GLDC: variants seen among roughly 807,000 people sequenced by gnomAD.
GLDC encodes glycine decarboxylase, also known as glycine dehydrogenase (decarboxylating), mitochondrial.
GLDC carries 104 observed loss-of-function variants against 121.3 expected under a neutral mutation model. The ratio of observed to expected loss-of-function variants is 0.86; its 90% CI spans 0.73 to 1.01. The LOEUF is 1.01. Ranked by LOEUF, GLDC falls within the 50% of genes least tolerant of loss-of-function variation. GLDC has a pLI of 0.00. For synonymous variants in GLDC, 546 were observed against 480.6 expected (o/e 1.14, Z -1.78); for missense variants, 1,429 against 1,306.6 (o/e 1.09, Z -1.44).
chr9:6,643,754 T>C (rs1755615), intron 2 of GLDC, among the ~76,000 whole-genome samples: 47,152 of 151,414 alleles, frequency 0.31, 7,963 homozygotes, highest in East Asian at 0.57. Context: ...CCATTCGGGG[T>C]AGGGCACAGT....
chr9:6,607,882 G>T (rs1818767954), intron 4 of GLDC, among the ~76,000 whole-genome samples: 1 of 151,918 alleles, frequency 6.6e-6, no homozygotes, highest in Admixed American at 6.5e-5. Context: ...TTATACTTTG[G>T]GAGGCTGAGG....
intron 1 of GLDC, 60 bp downstream of exon 1, chr9:6,645,185 G>T: frequency 3.4e-6 from 5 of 1,478,964 alleles, no homozygotes; most frequent in Non-Finnish European, 4.5e-6. Context: ...GGGAGGCCGC[G>T]CAGGCAGAGC....
intron 2 of GLDC, chr9:6,639,211 C>T: frequency 1.1e-6 from 1 of 888,086 alleles, no homozygotes; most frequent in Non-Finnish European, 1.9e-6. Context: ...GCTTTAAAGG[C>T]CAAGAAGGCA....
chr9:6,618,506 C>T (rs1023500059), intron 3 of GLDC, among the ~76,000 whole-genome samples: 2 of 152,058 alleles, frequency 1.3e-5, no homozygotes, highest in Non-Finnish European at 2.9e-5. Context: ...AGGGTTTTTC[C>T]ATGTTGGTCA....
chr9:6,602,032 C>G, intron 8 of GLDC, 77 bp downstream of exon 8: 1 of 914,546 alleles, frequency 1.1e-6, no homozygotes. Context: ...AATAAATGAA[C>G]AAATGAATGA....
chr9:6,546,508 G>A (rs189242062), intron 21 of GLDC, among the ~76,000 whole-genome samples: 3 of 151,108 alleles, frequency 2.0e-5, no homozygotes, highest in East Asian at 2.0e-4. Context: ...CCCCACCTCC[G>A]ACATCTTGTC....
chr9:6,606,793 C>G, intron 4 of GLDC, 124 bp from the exon 5 acceptor site: 1 of 738,370 alleles, frequency 1.4e-6, no homozygotes, highest in Non-Finnish European at 2.5e-6. Context: ...ACTGAGTAGG[C>G]CGGGTGCGGT....
chr9:6,641,260 T>C (rs990492112), intron 2 of GLDC, among the ~76,000 whole-genome samples: 2 of 152,228 alleles, frequency 1.3e-5, no homozygotes, highest in East Asian at 1.9e-4. Flanking sequence ...CTGCTCATTC[T>C]TCAGTATTGC....
intron 15 of GLDC, chr9:6,565,780 G>A (rs887403866): frequency 1.4e-5 from 7 of 507,234 alleles, no homozygotes; most frequent in Admixed American, 3.5e-5. Flanking sequence ...ACTACGACGT[G>A]TGTGTCAGCC....
intron 3 of GLDC, among the ~76,000 whole-genome samples, chr9:6,615,744 G>A (rs1006445352): frequency 6.6e-6 from 1 of 151,728 alleles, no homozygotes; most frequent in Non-Finnish European, 1.5e-5. Context: ...CCAAATATCT[G>A]AGATTACAGG....
chr9:6,593,638 A>T lies in GLDC; in HGVS notation c.1262-648T>A, dbSNP rs191576114. On this transcript the variant is annotated intron_variant, in intron 9 of 24. Transcript: ENST00000321612. The stretch of plus-strand genomic sequence containing the variant: ...TTCCTATAGATCACTATTTTAAACC[A>T]TATTTAATGGCTGTACAATAGTCAA... 1.2e-3 allele frequency among the ~76,000 whole-genome samples: 188 copies of T among 150,694 alleles called. 2 individuals are homozygous for T. Among genetic ancestry groups the T allele is most frequent in the African/African-American group, 4.1e-3 (168 of 41,020 alleles).
At chr9:6,595,176 G>A in intron 8 of GLDC, 57 bp from the exon 9 acceptor site, 2 of 1,100,870 alleles carry the variant, frequency 1.8e-6, no homozygotes, top group South Asian at 1.2e-5. Context: ...GTGGGAGGGT[G>A]TAATTACTTG....
At chr9:6,642,003 G>T (rs1819639189) in intron 2 of GLDC, among the ~76,000 whole-genome samples, 1 of 152,148 alleles carries the variant, frequency 6.6e-6, no homozygotes, top group Admixed American at 6.6e-5. Flanking sequence ...CCCACCTGGA[G>T]AATATTCATT....
chr9:6,628,702 A>G (rs1819300239), intron 2 of GLDC, among the ~76,000 whole-genome samples: 1 of 152,204 alleles, frequency 6.6e-6, no homozygotes, highest in Non-Finnish European at 1.5e-5. Context: ...GATTGCACCA[A>G]TGCACTCCCA....
intron 2 of GLDC, 170 bp downstream of exon 2, chr9:6,644,444 C>T (rs1488540041): frequency 1.5e-6 from 1 of 665,188 alleles, no homozygotes; most frequent in African/African-American, 1.8e-5. Flanking sequence ...GCTCCGAGAA[C>T]CAAATATCCC....
At chr9:6,637,686 T>A (rs1819534263) in intron 2 of GLDC, among the ~76,000 whole-genome samples, 1 of 152,040 alleles carries the variant, frequency 6.6e-6, no homozygotes. Flanking sequence ...AGGCTGATGC[T>A]GAACTCCTGG....
intron 15 of GLDC, among the ~76,000 whole-genome samples, chr9:6,569,778 C>T (rs1817919337): frequency 6.6e-6 from 1 of 152,068 alleles, no homozygotes; most frequent in African/African-American, 2.4e-5. Flanking sequence ...AAGATCGAGA[C>T]CAGCCTGGCG....
intron 15 of GLDC, among the ~76,000 whole-genome samples, chr9:6,569,551 C>G (rs1817913999): frequency 6.6e-6 from 1 of 152,084 alleles, no homozygotes; most frequent in South Asian, 2.1e-4. Context: ...ACTCAGGGAG[C>G]TGAGGCGGGA....
intron 15 of GLDC, among the ~76,000 whole-genome samples, chr9:6,575,920 A>G (rs1199749204): frequency 2.6e-5 from 4 of 152,328 alleles, no homozygotes; most frequent in African/African-American, 7.2e-5. Context: ...AGGTAATTAA[A>G]TATTATTTGG....
Sources: gnomAD v4.1 joint callset for allele counts (sites outside exome capture counted in the v4.1 genomes callset) on GRCh38, gnomAD v4.1.1 for gene constraint, MANE v1.5 for transcripts, NCBI Gene and HGNC (gene_info 2026-07-23, HGNC 2026-07-21) for gene names.